The following LRRC37A3 variants were observed in gnomAD, a reference collection of about 807,000 sequenced individuals.
LRRC37A3 encodes leucine rich repeat containing 37 member A3.
A neutral mutation model predicts 106.2 loss-of-function variants in LRRC37A3; 25 were observed. The observed-to-expected ratio is 0.24, with a 90% CI of 0.17 to 0.33. LRRC37A3 has a LOEUF of 0.33. LRRC37A3 is among the 10% of genes least tolerant of loss of function. The probability of loss-of-function intolerance (pLI) is 1.00; values close to 1 mark genes in which losing one functional copy is unlikely to be tolerated. For missense variants in LRRC37A3, 712 were observed against 1,644.9 expected, an observed-to-expected ratio of 0.43 and a Z score of 9.81; for synonymous variants, 305 against 635.8, an observed-to-expected ratio of 0.48 and a Z score of 7.83.
intron 8 of LRRC37A3, among the ~76,000 whole-genome samples, chr17:64,880,450 C>G (rs915071763): frequency 6.6e-6 from 1 of 152,092 alleles, no homozygotes; most frequent in South Asian, 2.1e-4. Context: ...CGCCCAGCCT[C>G]GAGTGTTTTT....
chr17:64,899,755 C>T (rs1291619163), intron 2 of LRRC37A3: 1 of 148,814 alleles, frequency 6.7e-6, no homozygotes, highest in Non-Finnish European at 1.5e-5. Flanking sequence ...TCGAGCAGCC[C>T]AGCATCCCTT....
chr17:64,881,296 G>A, intron 8 of LRRC37A3: 1 of 679,958 alleles, frequency 1.5e-6, no homozygotes, highest in Non-Finnish European at 2.7e-6. Flanking sequence ...AGGCTGGAGT[G>A]CAGTGCAGTG....
chr17:64,917,175 G>C (rs1052741097), intron 2 of LRRC37A3, among the ~76,000 whole-genome samples: 7 of 150,032 alleles, frequency 4.7e-5, no homozygotes, highest in Non-Finnish European at 1.0e-4. Context: ...GAACCCGGGA[G>C]GCGGAGCTTG....
At position 64,896,694 on chromosome 17, in the gene LRRC37A3, A is replaced by G; in HGVS notation, c.564T>C (p.Asp188=). ...QTLQNEYSST[D]TPYPGSLPPE... is the part of the protein sequence containing the mutation. ...GAGGCAGGCTACCGGGATACGGTGT[A>G]TCTGTACTGGAATATTCATTCTGCA... is the stretch of plus-strand genomic sequence containing the variant. The change falls in exon 4 of 15, where the codon GAT becomes GAC. Residue 188 remains aspartate, a synonymous_variant. Coordinates refer to ENST00000584306, the MANE Select transcript of LRRC37A3 (RefSeq NM_199340.5). 2 of 1,599,150 alleles carry G rather than the reference A, an allele frequency of 1.3e-6. No individual in the cohort carries two copies. Among genetic ancestry groups the G allele is most frequent in the Non-Finnish European group, 8.5e-7 (1 of 1,179,872 alleles).
At chr17:64,857,037 A>C (rs1347153181) in intron 13 of LRRC37A3, among the ~76,000 whole-genome samples, 2 of 152,172 alleles carry the variant, frequency 1.3e-5, no homozygotes, top group African/African-American at 4.8e-5. Context: ...GGAAGGAAAG[A>C]GTAGAAGTAT....
At position 64,860,570 on chromosome 17, in the gene LRRC37A3, A is replaced by C. The variant is rs1972834606; in HGVS notation, c.3576T>G (p.Gly1192=). ...VGRQSIRREQ[G]AQASVENTAE... ...CAGTGTTCTCCACAGATGCCTGGGCACCCTGTTCCCTCCTGATGCTCTGCC... is the reference window on the plus strand; with the variant it reads ...CAGTGTTCTCCACAGATGCCTGGGCCCCCTGTTCCCTCCTGATGCTCTGCC... Residue 1192 remains glycine (G), a synonymous_variant, in exon 12 of 15, where the codon GGT becomes GGG. Coordinates refer to ENST00000584306, the MANE Select transcript of LRRC37A3 (RefSeq NM_199340.5). 6.2e-7 allele frequency: 1 copy of C among 1,613,232 alleles called. No homozygotes were observed. The highest frequency in any genetic ancestry group is 8.5e-7 in the Non-Finnish European group (1 of 1,179,842).
intron 2 of LRRC37A3, among the ~76,000 whole-genome samples, chr17:64,917,138 C>T (rs1326680794): frequency 1.2e-4 from 18 of 144,794 alleles, no homozygotes; most frequent in Non-Finnish European, 1.3e-4. Context: ...CCCAGCTACA[C>T]GGGAGGCTGA....
In LRRC37A3 at chr17:64,897,367, T is replaced by A. The variant is rs1291324776; in HGVS notation, c.-110A>T. The A allele has an allele frequency of 6.3e-7, 1 of 1,583,986 alleles. No homozygotes were observed. Among genetic ancestry groups the A allele is most frequent in the African/African-American group, 1.4e-5 (1 of 70,558 alleles). On this transcript the variant is annotated 5_prime_UTR_variant, in exon 4 of 15. Transcript: ENST00000584306. Reference sequence around the variant, plus strand: ...GCTCCATGTCACCAGGGCACTCTTATGTCACAATCCCGCCCAAGCACGCCT... The same window carrying A: ...GCTCCATGTCACCAGGGCACTCTTAAGTCACAATCCCGCCCAAGCACGCCT...
chr17:64,860,465 C>T lies in LRRC37A3; in HGVS notation c.3681G>A (p.Ala1227=), dbSNP rs757541669. The T allele has an allele frequency of 7.4e-6, 12 of 1,613,556 alleles. No individual in the cohort carries two copies. The highest frequency in any genetic ancestry group is 6.7e-5 in the Admixed American group (4 of 60,000). The change falls in exon 12 of 15, where the codon GCG becomes GCA. Residue 1227 remains alanine (A), a synonymous_variant. Coordinates refer to ENST00000584306, the MANE Select transcript of LRRC37A3 (RefSeq NM_199340.5). ...PHTQQGPEKL[A]GNAVYTKPSF... ...AAGGCTTGGTGTAGACGGCGTTTCC[C>T]GCTAACTTCTCAGGCCCCTGCTGTG...
At chr17:64,879,261 T>C (rs547938869) in intron 8 of LRRC37A3, among the ~76,000 whole-genome samples, 23 of 152,340 alleles carry the variant, frequency 1.5e-4, no homozygotes, top group African/African-American at 5.3e-4. Flanking sequence ...GATTGTTTTC[T>C]ATACAACCTT....
At chr17:64,888,607 G>T (rs1234090257) in intron 6 of LRRC37A3, among the ~76,000 whole-genome samples, 1 of 96,758 alleles carries the variant, frequency 1.0e-5, no homozygotes, top group Non-Finnish European at 2.0e-5. Flanking sequence ...GGTCTCTGTA[G>T]CACTTTGGCA....
At chr17:64,910,034 A>G (rs1385564004) in intron 2 of LRRC37A3, 1 of 152,074 alleles carries the variant, frequency 6.6e-6, no homozygotes, top group Non-Finnish European at 1.5e-5. Flanking sequence ...GTAATACAAG[A>G]AGGATCTACA....
intron 8 of LRRC37A3, among the ~76,000 whole-genome samples, chr17:64,878,185 C>T (rs1020171439): frequency 6.6e-6 from 1 of 152,148 alleles, no homozygotes; most frequent in African/African-American, 2.4e-5. Flanking sequence ...TAGCTGAAGG[C>T]AGCCTGACAT....
intron 8 of LRRC37A3, among the ~76,000 whole-genome samples, chr17:64,880,463 A>G (rs923948249): frequency 6.6e-6 from 1 of 152,112 alleles, no homozygotes; most frequent in African/African-American, 2.4e-5. Context: ...GTGTTTTTAG[A>G]TTCACAGTAG....
chr17:64,870,228 T>C (rs1973268145), intron 8 of LRRC37A3, among the ~76,000 whole-genome samples: 1 of 152,006 alleles, frequency 6.6e-6, no homozygotes, highest in African/African-American at 2.4e-5. Context: ...GTAGCTGGGA[T>C]TACAGGTGCC....
At chr17:64,883,541 T>C (rs528075848) in intron 8 of LRRC37A3, among the ~76,000 whole-genome samples, 226 of 152,140 alleles carry the variant, frequency 1.5e-3, no homozygotes, top group African/African-American at 5.3e-3. Context: ...CCTGGAAGGT[T>C]AGGCTCTATT....
At chr17:64,865,734 G>C (rs1354211250) in intron 10 of LRRC37A3, among the ~76,000 whole-genome samples, 1 of 152,198 alleles carries the variant, frequency 6.6e-6, no homozygotes, top group African/African-American at 2.4e-5. Flanking sequence ...CCAGAGGACT[G>C]TCATCACTCA....
intron 10 of LRRC37A3, among the ~76,000 whole-genome samples, chr17:64,866,624 A>T (rs1228430823): frequency 3.8e-4 from 9 of 23,912 alleles, no homozygotes; most frequent in African/African-American, 2.1e-3. Flanking sequence ...ATATATATAT[A>T]TATATTTTTT....
chr17:64,869,945 A>G (rs1335966268), intron 8 of LRRC37A3, among the ~76,000 whole-genome samples: 2 of 147,166 alleles, frequency 1.4e-5, no homozygotes, highest in African/African-American at 5.2e-5. Flanking sequence ...GAAGGAATAA[A>G]TCTAAGAGGA....
Sources: allele counts gnomAD v4.1 joint callset (sites outside exome capture counted in the v4.1 genomes callset), GRCh38; gene constraint gnomAD v4.1.1; transcripts MANE v1.5; gene names NCBI Gene and HGNC (gene_info 2026-07-23, HGNC 2026-07-21).